The following QTMAN variants were observed in gnomAD, a reference collection of about 807,000 sequenced individuals.
QTMAN encodes queuosine-tRNA mannosyltransferase, also known as tRNA-queuosine alpha-mannosyltransferase.
At chr2:144,230,511 A>C in the QTMAN span, among the ~76,000 whole-genome samples, 1 of 152,166 alleles carries the variant, frequency 6.6e-6, no homozygotes, top group Non-Finnish European at 1.5e-5. Context: ...ACAATATTTC[A>C]GCAGGGCTAT....
At chr2:144,068,546 A>G in the QTMAN span, among the ~76,000 whole-genome samples, 6 of 152,366 alleles carry the variant, frequency 3.9e-5, no homozygotes, top group East Asian at 9.6e-4. Flanking sequence ...TCTGTAGTCC[A>G]ATTAATATGC....
At chr2:144,205,614 C>A in the QTMAN span, among the ~76,000 whole-genome samples, 2 of 152,164 alleles carry the variant, frequency 1.3e-5, no homozygotes, top group African/African-American at 4.8e-5. Flanking sequence ...GGGCAATGAT[C>A]AGTATCTGTC....
At chr2:144,133,443 A>ATATATAATATATATTATATAT in the QTMAN span, among the ~76,000 whole-genome samples, 1 of 62,888 alleles carries the variant, frequency 1.6e-5, no homozygotes, top group Non-Finnish European at 2.5e-5. Context: ...ATAATATATA[A>ATATATAATATATATTATATAT]TATATAATAT....
chr2:144,210,341 A>G, the QTMAN span, among the ~76,000 whole-genome samples: 1,336 of 152,314 alleles, frequency 8.8e-3, 14 homozygotes, highest in African/African-American at 0.03. Context: ...ACAAATAGCA[A>G]GAAGGTATTT....
At chr2:144,019,528 C>T in the QTMAN span, among the ~76,000 whole-genome samples, 2 of 150,312 alleles carry the variant, frequency 1.3e-5, no homozygotes, top group African/African-American at 2.5e-5. Flanking sequence ...CACAGAAACT[C>T]GGAAAGGCTC....
At chr2:144,024,002 A>T in the QTMAN span, among the ~76,000 whole-genome samples, 1 of 152,274 alleles carries the variant, frequency 6.6e-6, no homozygotes, top group Non-Finnish European at 1.5e-5. Flanking sequence ...ATGCCAGGGT[A>T]TAACTGAGTC....
the QTMAN span, among the ~76,000 whole-genome samples, chr2:143,963,284 G>C: frequency 6.6e-6 from 1 of 152,018 alleles, no homozygotes; most frequent in Non-Finnish European, 1.5e-5. Flanking sequence ...TGATGCTATT[G>C]CAAACCTTTA....
chr2:144,053,566 T>A, the QTMAN span, among the ~76,000 whole-genome samples: 1 of 152,208 alleles, frequency 6.6e-6, no homozygotes, highest in Non-Finnish European at 1.5e-5. Context: ...TCAGTGAGTT[T>A]ATCAAGTACT....
the QTMAN span, among the ~76,000 whole-genome samples, chr2:144,084,592 C>T: frequency 6.6e-6 from 1 of 152,182 alleles, no homozygotes; most frequent in Non-Finnish European, 1.5e-5. Flanking sequence ...AAGTCATCTC[C>T]TTCTCAGATT....
the QTMAN span, among the ~76,000 whole-genome samples, chr2:144,316,230 C>T: frequency 1.3e-5 from 2 of 151,000 alleles, no homozygotes; most frequent in South Asian, 4.2e-4. Flanking sequence ...GAGTGAAACC[C>T]TATCTCAAAA....
the QTMAN span, among the ~76,000 whole-genome samples, chr2:144,050,643 T>C: frequency 6.6e-6 from 1 of 152,222 alleles, no homozygotes; most frequent in Non-Finnish European, 1.5e-5. Flanking sequence ...CCTTCATTCT[T>C]GTTTTAAATG....
chr2:143,992,531 T>TA, the QTMAN span, among the ~76,000 whole-genome samples: 1 of 150,754 alleles, frequency 6.6e-6, no homozygotes, highest in Non-Finnish European at 1.5e-5. Context: ...GAATGATCAA[T>TA]AAAAAAATAA....
At chr2:144,011,989 A>G in the QTMAN span, among the ~76,000 whole-genome samples, 1 of 152,150 alleles carries the variant, frequency 6.6e-6, no homozygotes, top group African/African-American at 2.4e-5. Flanking sequence ...CAAATCTCTT[A>G]GAAACTCCAT....
At chr2:143,967,793 A>G in the QTMAN span, among the ~76,000 whole-genome samples, 1 of 152,238 alleles carries the variant, frequency 6.6e-6, no homozygotes, top group Non-Finnish European at 1.5e-5. Context: ...TCAGAAAAAA[A>G]GAACATGAAA....
chr2:144,145,675 T>C, the QTMAN span: 2 of 1,611,858 alleles, frequency 1.2e-6, no homozygotes, highest in South Asian at 2.2e-5. Context: ...TTTTTCAGTT[T>C]CCCAAGGTCA....
the QTMAN span, among the ~76,000 whole-genome samples, chr2:144,310,326 G>A: frequency 1.3e-5 from 2 of 152,020 alleles, no homozygotes; most frequent in African/African-American, 4.8e-5. Flanking sequence ...ATGAATGAAG[G>A]TTAGGTAGAG....
the QTMAN span, among the ~76,000 whole-genome samples, chr2:144,131,188 C>T: frequency 1.3e-5 from 2 of 151,914 alleles, 1 homozygote; most frequent in South Asian, 4.2e-4. Flanking sequence ...TCCATCTAAA[C>T]GAGGCTCTGA....
At chr2:144,198,922 G>T in the QTMAN span, among the ~76,000 whole-genome samples, 1 of 151,716 alleles carries the variant, frequency 6.6e-6, no homozygotes, top group Admixed American at 6.6e-5. Context: ...GTGAACTTTT[G>T]TTCACAATAC....
chr2:143,951,978 CT>C, the QTMAN span: 1 of 1,415,296 alleles, frequency 7.1e-7, no homozygotes, highest in South Asian at 1.2e-5. Context: ...TTCTCAATAA[CT>C]ACCTTATAGA....
Sources: gnomAD v4.1 joint callset for allele counts (sites outside exome capture counted in the v4.1 genomes callset) on GRCh38, gnomAD v4.1.1 for gene constraint, MANE v1.5 for transcripts, NCBI Gene and HGNC (gene_info 2026-07-23, HGNC 2026-07-21) for gene names.